ST3GAL3: variants seen among roughly 807,000 people sequenced by gnomAD.
ST3GAL3 encodes the protein CMP-N-acetylneuraminate-beta-1,4-galactoside alpha-2,3-sialyltransferase.
A neutral mutation model predicts 50.1 loss-of-function variants in ST3GAL3; 21 were observed. The observed-to-expected ratio is 0.42, with a 90% CI of 0.30 to 0.60. The LOEUF (loss-of-function observed/expected upper bound fraction) is 0.60. ST3GAL3 is among the 20% of genes least tolerant of loss of function. ST3GAL3 has a pLI of 0.19. For synonymous variants in ST3GAL3, 183 were observed against 190.0 expected (o/e 0.96, Z 0.30); for missense variants, 353 against 489.4 (o/e 0.72, Z 2.63).
At chr1:43,856,416 ACCCACCAACCCCAC>A (rs1302761009) in intron 5 of ST3GAL3, among the ~76,000 whole-genome samples, 2 of 152,174 alleles carry the variant, frequency 1.3e-5, no homozygotes, top group African/African-American at 4.8e-5. Flanking sequence ...CAGGAATCAA[ACCCACCAACCCCAC>A]CCTGTCCTGA....
At position 43,808,129 on chromosome 1, in the gene ST3GAL3, C is replaced by T. The variant is rs944901531; in HGVS notation, c.167-6762C>T. ...CTGGCCTGGCCAACATAGTGAAACA[C>T]GGTGTGTACTAAAAATACAAAAAAA... On this transcript the variant is annotated intron_variant, in intron 3 of 11. Transcript: ENST00000347631. Among the ~76,000 whole-genome samples, 5 of 152,012 alleles carry T rather than the reference C, an allele frequency of 3.3e-5. No homozygotes were observed. The East Asian group carries it at 5.8e-4, about 18-fold the overall frequency.
At chr1:43,788,987 A>G (rs961099200) in intron 2 of ST3GAL3, among the ~76,000 whole-genome samples, 1 of 151,988 alleles carries the variant, frequency 6.6e-6, no homozygotes, top group African/African-American at 2.4e-5. Context: ...AATGTGTTCA[A>G]CGTCTGAAGA....
At chr1:43,842,098 G>A (rs1390060153) in intron 5 of ST3GAL3, 2 of 152,162 alleles carry the variant, frequency 1.3e-5, no homozygotes, top group Non-Finnish European at 2.9e-5. Flanking sequence ...TTCCCAATGA[G>A]TTCCTCATTT....
At chr1:43,870,007 T>C (rs906619233) in intron 5 of ST3GAL3, among the ~76,000 whole-genome samples, 4 of 152,166 alleles carry the variant, frequency 2.6e-5, no homozygotes, top group Non-Finnish European at 4.4e-5. Context: ...CCGCATGTGG[T>C]ATCTGAGAGC....
chr1:43,835,873 C>T (rs1044779172), intron 4 of ST3GAL3, among the ~76,000 whole-genome samples: 9 of 152,162 alleles, frequency 5.9e-5, no homozygotes, highest in Admixed American at 1.3e-4. Context: ...GCCTTACTGC[C>T]GCAGACCAAA....
Position 43,899,083 on chromosome 1 carries a change from G to A in ST3GAL3, c.462-85G>A. 5 of 1,590,608 alleles carry A rather than the reference G, an allele frequency of 3.1e-6. No individual in the cohort carries two copies. The highest frequency in any genetic ancestry group is 4.3e-6 in the Non-Finnish European group (5 of 1,165,782). On this transcript the variant is annotated intron_variant, in intron 7 of 11. Transcript: ENST00000347631. This position sits in a 1 kb window ranked among gnomAD's most constrained non-coding sequence, Gnocchi z 5.4. Reference sequence around the variant, plus strand: ...CTATCCCAGCCTGGTCCTGGACAAGGGCGTGGGGTCAAGGGCCAAAGGAGC... The same window carrying A: ...CTATCCCAGCCTGGTCCTGGACAAGAGCGTGGGGTCAAGGGCCAAAGGAGC...
At chr1:43,780,771 C>T (rs921504514) in intron 2 of ST3GAL3, among the ~76,000 whole-genome samples, 3 of 152,006 alleles carry the variant, frequency 2.0e-5, no homozygotes, top group Non-Finnish European at 2.9e-5. Context: ...ACCTGTTTCA[C>T]GAATAACATT....
At chr1:43,716,688 T>TC (rs1234371680) in intron 1 of ST3GAL3, 7 of 152,218 alleles carry the variant, frequency 4.6e-5, no homozygotes, top group Admixed American at 4.6e-4. Context: ...TTTTCACACT[T>TC]CCTGAGGAGT....
At chr1:43,824,007 G>A (rs759886955) in intron 4 of ST3GAL3, among the ~76,000 whole-genome samples, 3 of 152,024 alleles carry the variant, frequency 2.0e-5, no homozygotes, top group African/African-American at 2.4e-5. Flanking sequence ...TAACTATACC[G>A]AAAGCTTTGT....
chr1:43,733,492 C>T (rs867942382), intron 1 of ST3GAL3, among the ~76,000 whole-genome samples: 2 of 152,056 alleles, frequency 1.3e-5, no homozygotes, highest in African/African-American at 2.4e-5. Flanking sequence ...TAAACTCATT[C>T]GTATGTGTGC....
intron 2 of ST3GAL3, among the ~76,000 whole-genome samples, chr1:43,753,059 A>G (rs1324697209): frequency 6.6e-6 from 1 of 152,250 alleles, no homozygotes; most frequent in Non-Finnish European, 1.5e-5. Context: ...GTTATAACTA[A>G]ACAATTTACA....
intron 2 of ST3GAL3, among the ~76,000 whole-genome samples, chr1:43,785,572 GGA>G (rs1022285159): frequency 5.3e-5 from 8 of 152,180 alleles, no homozygotes; most frequent in Non-Finnish European, 1.0e-4. Flanking sequence ...ACTGGAACAG[GGA>G]GAACATTTTG....
chr1:43,879,859 T>C (rs1385127499), intron 5 of ST3GAL3, among the ~76,000 whole-genome samples: 1 of 152,212 alleles, frequency 6.6e-6, no homozygotes, highest in African/African-American at 2.4e-5. Flanking sequence ...CTCCTGTCCT[T>C]CCATCAAACC....
chr1:43,844,538 A>T (rs998352418), intron 5 of ST3GAL3, among the ~76,000 whole-genome samples: 2 of 152,178 alleles, frequency 1.3e-5, no homozygotes, highest in Non-Finnish European at 2.9e-5. Context: ...GTGGCCGGGC[A>T]CGGTGGCTTA....
At chr1:43,834,713 C>G (rs758880480) in intron 4 of ST3GAL3, among the ~76,000 whole-genome samples, 2 of 152,208 alleles carry the variant, frequency 1.3e-5, no homozygotes, top group Non-Finnish European at 2.9e-5. Flanking sequence ...GTGGTTGGAT[C>G]TGAACCCGAG....
In ST3GAL3 at chr1:43,876,215, C is replaced by T. The variant is rs185679679; in HGVS notation, c.303-18168C>T. 3.0e-3 allele frequency among the ~76,000 whole-genome samples: 457 copies of T among 152,176 alleles called. 13 individuals carry two copies. Among genetic ancestry groups the T allele is most frequent in the Admixed American group, 0.027 (416 of 15,282 alleles). On this transcript the variant is annotated intron_variant, in intron 5 of 11. Transcript: ENST00000347631. ...CTGGGCTCAAGCAATCCGCCCGCCT[C>T]GGCCTCCTAAAGTACTGGGATTACA...
chr1:43,818,552 C>T (rs551575745), intron 4 of ST3GAL3, among the ~76,000 whole-genome samples: 39 of 152,200 alleles, frequency 2.6e-4, no homozygotes, highest in Non-Finnish European at 4.1e-4. Flanking sequence ...ACTAAACACA[C>T]AAGGAAACAA....
At chr1:43,793,530 G>A (rs1457656669) in intron 3 of ST3GAL3, among the ~76,000 whole-genome samples, 14 of 152,124 alleles carry the variant, frequency 9.2e-5, no homozygotes, top group African/African-American at 3.4e-4. Flanking sequence ...AAGACATGAA[G>A]TAACCTGTTC....
At chr1:43,893,457 A>G (rs1035314814) in intron 5 of ST3GAL3, among the ~76,000 whole-genome samples, 1 of 152,222 alleles carries the variant, frequency 6.6e-6, no homozygotes, top group Non-Finnish European at 1.5e-5. Context: ...GCAGGGTGCT[A>G]GCGCCCATGT....
Sources: allele counts gnomAD v4.1 joint callset (sites outside exome capture counted in the v4.1 genomes callset), GRCh38; gene constraint gnomAD v4.1.1; non-coding constraint Gnocchi (gnomAD v3.1); transcripts MANE v1.5; gene names NCBI Gene and HGNC (gene_info 2026-07-23, HGNC 2026-07-21).